Variants in ZC3H12B observed in about 807,000 individuals in gnomAD.
ZC3H12B encodes zinc finger CCCH-type containing 12B.
A neutral mutation model predicts 43.9 loss-of-function variants in ZC3H12B; 7 were observed. That is an observed-to-expected ratio of 0.16 (90% CI 0.09 to 0.30). The LOEUF (loss-of-function observed/expected upper bound fraction) is 0.30. Ranked by LOEUF, ZC3H12B falls within the 10% of genes least tolerant of loss-of-function variation. The pLI is 1.00. For synonymous variants in ZC3H12B, 222 were observed against 241.7 expected (o/e 0.92, Z 0.76); for missense variants, 475 against 670.2 (o/e 0.71, Z 3.22).
chrX:65,103,362 TC>T, the ZC3H12B span, among the ~76,000 whole-genome samples: 2 of 112,019 alleles, frequency 1.8e-5, no homozygotes, highest in African/African-American at 6.5e-5. Context: ...GATGGTCAGC[TC>T]CCTTGTTTCC....
At chrX:65,153,560 T>C in the ZC3H12B span, among the ~76,000 whole-genome samples, 7 of 111,672 alleles carry the variant, frequency 6.3e-5, no homozygotes, top group African/African-American at 1.6e-4. Flanking sequence ...GAATGGCAAT[T>C]ATTAAAAAGT....
intron 3 of ZC3H12B, among the ~76,000 whole-genome samples, chrX:65,481,383 A>T (rs1478938431): frequency 8.9e-6 from 1 of 111,862 alleles, no homozygotes; most frequent in East Asian, 2.8e-4. Context: ...ACTGCATCTT[A>T]TTTATTTTAG....
intron 2 of ZC3H12B, among the ~76,000 whole-genome samples, chrX:65,380,912 AAT>A (rs1454228531): frequency 3.6e-5 from 4 of 111,914 alleles, no homozygotes; most frequent in African/African-American, 1.3e-4. Flanking sequence ...AACTATCCTA[AAT>A]ATATATGCAC....
chrX:65,205,467 A>G, the ZC3H12B span, among the ~76,000 whole-genome samples: 2 of 112,087 alleles, frequency 1.8e-5, no homozygotes, highest in Non-Finnish European at 1.9e-5. Context: ...GGCATTTGAC[A>G]AAATCCAGTA....
chrX:65,060,778 A>G, the ZC3H12B span, among the ~76,000 whole-genome samples: 2 of 112,383 alleles, frequency 1.8e-5, no homozygotes, highest in Non-Finnish European at 3.8e-5. Flanking sequence ...AAAGCTCATC[A>G]TCACTGGTTT....
At chrX:65,042,710 G>A in the ZC3H12B span, among the ~76,000 whole-genome samples, 6 of 111,841 alleles carry the variant, frequency 5.4e-5, no homozygotes, top group Non-Finnish European at 9.4e-5. Context: ...AAGGATTTTT[G>A]GTTGTACATA....
the ZC3H12B span, among the ~76,000 whole-genome samples, chrX:65,261,412 G>A: frequency 9.0e-6 from 1 of 111,060 alleles, no homozygotes; most frequent in Non-Finnish European, 1.9e-5. Context: ...TGTTATGGCA[G>A]CGTAGCATCA....
chrX:65,161,210 T>G, the ZC3H12B span, among the ~76,000 whole-genome samples: 1 of 111,349 alleles, frequency 9.0e-6, no homozygotes, highest in Non-Finnish European at 1.9e-5. Context: ...ATAGGTATGG[T>G]GTGATGCTGA....
At chrX:65,166,881 A>T in the ZC3H12B span, among the ~76,000 whole-genome samples, 1 of 109,896 alleles carries the variant, frequency 9.1e-6, no homozygotes, top group Non-Finnish European at 1.9e-5. Context: ...CCACTTTTTG[A>T]TGCAGTTATT....
At chrX:65,076,645 C>T in the ZC3H12B span, among the ~76,000 whole-genome samples, 2 of 108,617 alleles carry the variant, frequency 1.8e-5, no homozygotes, top group Admixed American at 2.0e-4. Flanking sequence ...TCTTTAACTT[C>T]ACTGATTCTG....
intron 3 of ZC3H12B, among the ~76,000 whole-genome samples, chrX:65,480,367 T>C (rs2068048033): frequency 8.9e-6 from 1 of 112,647 alleles, no homozygotes; most frequent in African/African-American, 3.2e-5. Flanking sequence ...AAGTCACTCA[T>C]AGACAGATTT....
chrX:65,199,016 G>T, the ZC3H12B span, among the ~76,000 whole-genome samples: 1 of 109,959 alleles, frequency 9.1e-6, no homozygotes, highest in African/African-American at 3.3e-5. Flanking sequence ...TTTTAGTAGA[G>T]ATGCGGTTTG....
the ZC3H12B span, among the ~76,000 whole-genome samples, chrX:65,256,396 CA>C: frequency 9.0e-6 from 1 of 111,636 alleles, no homozygotes; most frequent in Non-Finnish European, 1.9e-5. Flanking sequence ...CAATCAAAGT[CA>C]TATAATTACA....
At chrX:65,092,264 G>A in the ZC3H12B span, among the ~76,000 whole-genome samples, 5 of 111,749 alleles carry the variant, frequency 4.5e-5, no homozygotes, top group African/African-American at 1.6e-4. Flanking sequence ...CCAGTGTCAG[G>A]CATTTCTTTA....
At chrX:65,387,528 G>C (rs1187970950) in intron 2 of ZC3H12B, among the ~76,000 whole-genome samples, 2 of 111,923 alleles carry the variant, frequency 1.8e-5, no homozygotes, top group Non-Finnish European at 3.8e-5. Flanking sequence ...TTGAGCCTAT[G>C]TGTGTCTGTG....
chrX:65,160,923 G>C, the ZC3H12B span, among the ~76,000 whole-genome samples: 30 of 110,773 alleles, frequency 2.7e-4, no homozygotes, highest in East Asian at 2.8e-3. Context: ...CCTCTACACA[G>C]TGCTTTGAAT....
the ZC3H12B span, among the ~76,000 whole-genome samples, chrX:65,175,622 G>C: frequency 1.8e-5 from 2 of 112,153 alleles, no homozygotes; most frequent in African/African-American, 6.5e-5. Context: ...CTGGTCTGCA[G>C]CTCTCAGTGA....
the ZC3H12B span, among the ~76,000 whole-genome samples, chrX:65,065,992 A>G: frequency 7.4e-5 from 8 of 107,725 alleles, no homozygotes; most frequent in Non-Finnish European, 1.3e-4. Flanking sequence ...TTTCAGCTCC[A>G]TCAGGTCATT....
At chrX:65,362,179 G>A (rs889126139), upstream of ZC3H12B, among the ~76,000 whole-genome samples, 45 of 111,898 alleles carry the variant, frequency 4.0e-4, no homozygotes, top group East Asian at 2.8e-4. Flanking sequence ...CGGCTTAGTG[G>A]CTGAAGACTG....
Sources: gnomAD v4.1 joint callset for allele counts (sites outside exome capture counted in the v4.1 genomes callset) on GRCh38, gnomAD v4.1.1 for gene constraint, MANE v1.5 for transcripts, NCBI Gene and HGNC (gene_info 2026-07-23, HGNC 2026-07-21) for gene names.